Variants in CYP2J2 observed in about 807,000 individuals in gnomAD.
CYP2J2 encodes the protein cytochrome P450 family 2 subfamily J member 2.
Under a neutral mutation model 48.8 loss-of-function variants are expected in CYP2J2, and 41 were observed. That is an observed-to-expected ratio of 0.84 (90% CI 0.66 to 1.09). The LOEUF (loss-of-function observed/expected upper bound fraction) is 1.09, where lower values mean the gene tolerates loss of function less well. Among genes scored for constraint, CYP2J2 ranks in the 50% least tolerant of loss-of-function variants. The pLI is 0.00. For missense variants in CYP2J2, 644 were observed against 617.3 expected (o/e 1.04, Z -0.46); for synonymous variants, 221 against 227.1 (o/e 0.97, Z 0.24).
At chr1:59,960,571 T>G in the CYP2J2 span, among the ~76,000 whole-genome samples, 35 of 152,352 alleles carry the variant, frequency 2.3e-4, no homozygotes, top group African/African-American at 7.5e-4. Flanking sequence ...GAATGAATAC[T>G]CAGCCAAACT....
Position 59,912,220 on chromosome 1 carries a change from TA to T in CYP2J2, c.464del (p.Leu155Ter). 1 of 1,613,940 alleles carries T rather than the reference TA, an allele frequency of 6.2e-7. No homozygotes were observed. The highest frequency in any genetic ancestry group is 2.2e-5 in the East Asian group (1 of 44,874). On this transcript the variant is annotated frameshift_variant, in exon 3 of 9. Transcript: ENST00000371204. LOFTEE classifies it high-confidence loss of function. ...LRNFGLGKKS[L>X]EERIQEEAQH... ...GGGCCTCCTCCTGAATGCGTTCCTC[TA>T]AGCTCTTCTTTCCTAAACCAAAGTT... is the stretch of plus-strand genomic sequence containing the variant.
chr1:59,916,490 T>C (rs1009662025), intron 1 of CYP2J2, among the ~76,000 whole-genome samples: 16 of 152,182 alleles, frequency 1.1e-4, no homozygotes, highest in Admixed American at 3.9e-4. Flanking sequence ...TCCCAACACG[T>C]TGGGGGGCCG....
At chr1:59,924,303 A>G (rs1644544044) in intron 1 of CYP2J2, among the ~76,000 whole-genome samples, 2 of 152,194 alleles carry the variant, frequency 1.3e-5, no homozygotes, top group African/African-American at 4.8e-5. Flanking sequence ...AAGAATATCT[A>G]AAGATAGTTC....
the CYP2J2 span, among the ~76,000 whole-genome samples, chr1:59,952,929 C>T: frequency 1.3e-5 from 2 of 152,110 alleles, no homozygotes; most frequent in Admixed American, 1.3e-4. Context: ...TTTAGGGAAA[C>T]AGGATCAGGT....
the CYP2J2 span, among the ~76,000 whole-genome samples, chr1:59,953,051 G>A: frequency 6.6e-6 from 1 of 152,298 alleles, no homozygotes; most frequent in Admixed American, 6.5e-5. Context: ...AACCTAGGAA[G>A]GTCAAGGAAA....
At chr1:59,953,506 ATGTG>A in the CYP2J2 span, among the ~76,000 whole-genome samples, 11 of 150,330 alleles carry the variant, frequency 7.3e-5, no homozygotes, top group Admixed American at 2.0e-4. Flanking sequence ...CAGTGTGTAT[ATGTG>A]TGTGTGTGTG....
chr1:59,955,906 ATGTGTG>A, the CYP2J2 span, among the ~76,000 whole-genome samples: 1 of 151,372 alleles, frequency 6.6e-6, no homozygotes, highest in Non-Finnish European at 1.5e-5. Context: ...GTGTGTGTGT[ATGTGTG>A]TGTGTGTGCA....
chr1:59,923,903 T>C lies in CYP2J2; in HGVS notation c.210+2634A>G, dbSNP rs925854536. Among the ~76,000 whole-genome samples the C allele has an allele frequency of 4.0e-5, 6 of 151,840 alleles. 1 individual carries two copies. The East Asian group carries it at 9.7e-4, about 25-fold the overall frequency. On this transcript the variant is annotated intron_variant, in intron 1 of 8. Transcript: ENST00000371204. The stretch of plus-strand genomic sequence containing the variant: ...AGTTGAAAAATATTTGAAGAAAGAG[T>C]GGCAGAAGCTCCCTCAAACTGGCAA...
chr1:59,935,033 T>G, the CYP2J2 span, among the ~76,000 whole-genome samples: 1 of 96,944 alleles, frequency 1.0e-5, no homozygotes, highest in African/African-American at 4.2e-5. Context: ...TATATATATA[T>G]ATATATATAT....
chr1:59,900,708 GT>G (rs1416025609), intron 8 of CYP2J2, among the ~76,000 whole-genome samples: 2 of 152,060 alleles, frequency 1.3e-5, no homozygotes, highest in African/African-American at 4.8e-5. Flanking sequence ...TCTGTCACCA[GT>G]TTTCCAGAGG....
At chr1:59,915,320 C>A (rs1644455172) in intron 2 of CYP2J2, among the ~76,000 whole-genome samples, 1 of 152,170 alleles carries the variant, frequency 6.6e-6, no homozygotes, top group Admixed American at 6.5e-5. Flanking sequence ...TCTCTTGTCC[C>A]ACTTGAGGAG....
At chr1:59,900,762 T>C (rs1205989581) in intron 8 of CYP2J2, among the ~76,000 whole-genome samples, 1 of 152,102 alleles carries the variant, frequency 6.6e-6, no homozygotes, top group African/African-American at 2.4e-5. Context: ...AGGCAATGAA[T>C]GGAGGGCTTA....
At chr1:59,949,315 C>CTATT in the CYP2J2 span, among the ~76,000 whole-genome samples, 1 of 152,146 alleles carries the variant, frequency 6.6e-6, no homozygotes, top group Admixed American at 6.6e-5. Context: ...GATATAAAAG[C>CTATT]TATTTGTCTT....
intron 8 of CYP2J2, among the ~76,000 whole-genome samples, chr1:59,900,096 T>C (rs1271296749): frequency 6.6e-6 from 1 of 152,212 alleles, no homozygotes; most frequent in Non-Finnish European, 1.5e-5. Context: ...TTACATATTA[T>C]ATAAATGTAT....
intron 2 of CYP2J2, 145 bp downstream of exon 2, chr1:59,915,793 A>T: frequency 1.4e-6 from 1 of 712,308 alleles, no homozygotes; most frequent in Non-Finnish European, 2.3e-6. Flanking sequence ...AGGAAATGTG[A>T]ATATCCAGCT....
chr1:59,894,704 C>G (rs1197144274), intron 8 of CYP2J2, among the ~76,000 whole-genome samples: 1 of 152,120 alleles, frequency 6.6e-6, no homozygotes, highest in Non-Finnish European at 1.5e-5. Flanking sequence ...TCCAAATAAG[C>G]TAAATAATTT....
intron 7 of CYP2J2, among the ~76,000 whole-genome samples, chr1:59,902,839 A>G (rs1258916801): frequency 1.3e-5 from 2 of 152,208 alleles, no homozygotes; most frequent in Non-Finnish European, 2.9e-5. Flanking sequence ...AGATGAAGAA[A>G]TTGAAGCTTT....
chr1:59,919,408 G>T (rs1438999971), intron 1 of CYP2J2, among the ~76,000 whole-genome samples: 1 of 152,138 alleles, frequency 6.6e-6, no homozygotes, highest in Non-Finnish European at 1.5e-5. Flanking sequence ...TAGAGGTACC[G>T]CTGAGTGTAT....
At chr1:59,935,426 T>G in the CYP2J2 span, among the ~76,000 whole-genome samples, 13 of 152,158 alleles carry the variant, frequency 8.5e-5, no homozygotes, top group Non-Finnish European at 1.8e-4. Flanking sequence ...CACATGCATG[T>G]AACTATATGA....
Sources: allele counts gnomAD v4.1 joint callset (sites outside exome capture counted in the v4.1 genomes callset), GRCh38; gene constraint gnomAD v4.1.1; transcripts MANE v1.5; gene names NCBI Gene and HGNC (gene_info 2026-07-23, HGNC 2026-07-21).